The following TTLL3 variants were observed in gnomAD, a reference collection of about 807,000 sequenced individuals.
The protein encoded by TTLL3 is tubulin monoglycylase TTLL3.
Under a neutral mutation model 75.2 loss-of-function variants are expected in TTLL3, and 63 were observed. The observed-to-expected ratio is 0.84, with a 90% CI of 0.68 to 1.03. The LOEUF is 1.03. Ranked by LOEUF, TTLL3 falls within the 50% of genes least tolerant of loss-of-function variation. TTLL3 has a pLI of 0.00. For missense variants in TTLL3, 997 were observed against 1,069.9 expected (o/e 0.93, Z 0.95); for synonymous variants, 393 against 418.5 (o/e 0.94, Z 0.74).
chr3:9,811,353 C>T (rs905174042), intron 2 of TTLL3, among the ~76,000 whole-genome samples: 2 of 152,198 alleles, frequency 1.3e-5, no homozygotes, highest in Non-Finnish European at 2.9e-5. Context: ...GTCGTCCTCC[C>T]CAGTCTCCAG....
At chr3:9,820,406 C>G (rs2080299529) in intron 7 of TTLL3, 140 bp from the exon 8 acceptor site, 9 of 1,513,374 alleles carry the variant, frequency 5.9e-6, no homozygotes, top group Non-Finnish European at 7.9e-6. Context: ...CTAAGTGACA[C>G]ATCCCAGGGC....
intron 9 of TTLL3, 105 bp from the exon 10 acceptor site, chr3:9,826,892 C>T (rs1017448447): frequency 5.9e-5 from 91 of 1,550,284 alleles, no homozygotes; most frequent in Middle Eastern, 4.0e-4. Flanking sequence ...CAGCCTTACC[C>T]ACTCAGCCCT....
intron 8 of TTLL3, among the ~76,000 whole-genome samples, chr3:9,823,399 C>T (rs1393429071): frequency 7.5e-6 from 1 of 134,046 alleles, no homozygotes; most frequent in Non-Finnish European, 1.6e-5. Flanking sequence ...AAACAAACAG[C>T]CAGTTTTTTT....
At chr3:9,835,058 G>A (rs2081955816) in intron 13 of TTLL3, 36 bp from the exon 14 acceptor site, 1 of 1,589,972 alleles carries the variant, frequency 6.3e-7, no homozygotes, top group Non-Finnish European at 8.6e-7. Context: ...ACAGACTTCT[G>A]ATCATCTCCC....
At chr3:9,819,015 G>T (rs1207288076) in intron 7 of TTLL3, 95 bp downstream of exon 7, 2 of 1,499,438 alleles carry the variant, frequency 1.3e-6, no homozygotes, top group African/African-American at 2.8e-5. Context: ...ATTCATCCAC[G>T]CACCTACTGG....
chr3:9,825,797 C>G lies in TTLL3; in HGVS notation c.855-3C>G. On this transcript the variant is annotated splice_region_variant and splice_polypyrimidine_tract_variant and intron_variant, in intron 8 of 13. Transcript: ENST00000685419. ...CTGCCCAAGTTCTATCATTTCCCCA[C>G]AGCGAAGGGGCAGAACTCAGGCACC... 1 of 1,614,168 alleles carries G rather than the reference C, an allele frequency of 6.2e-7. No individual in the cohort carries two copies. The highest frequency in any genetic ancestry group is 8.5e-7 in the Non-Finnish European group (1 of 1,180,024).
At chr3:9,813,848 C>G (rs1247071942) in intron 4 of TTLL3, among the ~76,000 whole-genome samples, 2 of 152,040 alleles carry the variant, frequency 1.3e-5, no homozygotes, top group African/African-American at 4.8e-5. Flanking sequence ...CACAGCAGGG[C>G]TGTGTCCCAT....
intron 6 of TTLL3, 62 bp downstream of exon 6, chr3:9,817,821 G>A (rs1000236905): frequency 3.7e-6 from 6 of 1,602,282 alleles, no homozygotes; most frequent in East Asian, 2.2e-5. Context: ...TGAAGCTCTG[G>A]CTCATATTGG....
chr3:9,824,055 G>C (rs2124894661), intron 8 of TTLL3, among the ~76,000 whole-genome samples: 1 of 152,326 alleles, frequency 6.6e-6, no homozygotes, highest in Middle Eastern at 3.4e-3. Context: ...CTGAGTGCCA[G>C]GTGTGGTGCT....
chr3:9,809,999 A>AGGG (rs1362841081), upstream of TTLL3: 1 of 301,404 alleles, frequency 3.3e-6, no homozygotes, highest in Non-Finnish European at 4.2e-6. Context: ...GAGCGCGGCG[A>AGGG]GGGGCGCATG....
intron 7 of TTLL3, 26 bp from the exon 8 acceptor site, chr3:9,820,520 C>G (rs376615076): frequency 1.4e-5 from 22 of 1,611,688 alleles, no homozygotes; most frequent in African/African-American, 2.7e-5. Flanking sequence ...GATATGGGAT[C>G]GTGACAGGCC....
chr3:9,810,264 C>G lies in TTLL3; in HGVS notation c.-172C>G. 6.6e-7 allele frequency: 1 copy of G among 1,507,778 alleles called. No individual in the cohort carries two copies. The highest frequency in any genetic ancestry group is 8.8e-7 in the Non-Finnish European group (1 of 1,136,918). 93.4% of individuals were successfully genotyped at this position (1,507,778 alleles called of 1,614,324 possible). On this transcript the variant is annotated 5_prime_UTR_variant, in exon 1 of 14. Coordinates refer to ENST00000685419, the MANE Select transcript of TTLL3 (RefSeq NM_001387446.1). The surrounding 1 kb of genome is among the most constrained non-coding windows in gnomAD (Gnocchi z 4.4). ...CAGGCGGCAGATGCCAGGCGGGCAG[C>G]CCCGCCCCTGCGCGCCGCCTCAGCG... is the stretch of plus-strand genomic sequence containing the variant.
intron 11 of TTLL3, among the ~76,000 whole-genome samples, chr3:9,830,495 A>T (rs2081417652): frequency 6.6e-6 from 1 of 152,212 alleles, no homozygotes; most frequent in South Asian, 2.1e-4. Flanking sequence ...ACAGGAAGAG[A>T]ACGTACTGAT....
intron 12 of TTLL3, 95 bp from the exon 13 acceptor site, chr3:9,834,586 C>T: frequency 6.4e-7 from 1 of 1,560,368 alleles, no homozygotes; most frequent in Non-Finnish European, 8.7e-7. Flanking sequence ...ACCCCATTCC[C>T]TCCATATCCC....
chr3:9,816,247 C>A (rs750878256), intron 5 of TTLL3, 45 bp downstream of exon 5: 10 of 1,320,984 alleles, frequency 7.6e-6, no homozygotes, highest in Non-Finnish European at 1.0e-5. Flanking sequence ...CGACCCCCTG[C>A]CCTTGGGCTG....
At chr3:9,826,097 G>C in intron 9 of TTLL3, 149 bp downstream of exon 9, 1 of 1,293,764 alleles carries the variant, frequency 7.7e-7, no homozygotes, top group Non-Finnish European at 1.0e-6. Context: ...GTGACCTTGA[G>C]CAGGTTTTAG....
rs34646268 is a variant in TTLL3, at chr3:9,832,080, A to ATTTTT, written c.1684-1006_1684-1002dup. On this transcript the variant is annotated intron_variant, in intron 11 of 13. Transcript: ENST00000685419. ...AGCCACCGCGCCCGGCAATAGCTGC[A>ATTTTT]TTTTTTTTTTTTTTTTTTTTTTGAG... Among the ~76,000 whole-genome samples, 628 of 84,686 alleles carry ATTTTT rather than the reference A, an allele frequency of 7.4e-3. 12 individuals carry two copies. The highest frequency in any genetic ancestry group is 9.5e-3 in the Non-Finnish European group (450 of 47,158). 55.6% of individuals were successfully genotyped at this position (84,686 alleles called of 152,430 possible). A position where few individuals can be genotyped will look rare whatever the true frequency, so the allele number is the denominator to read the frequency against.
chr3:9,827,351 C>T (rs2081139845), intron 10 of TTLL3, 111 bp downstream of exon 10: 1 of 1,503,278 alleles, frequency 6.7e-7, no homozygotes, highest in Non-Finnish European at 8.9e-7. Flanking sequence ...GCTCCACACA[C>T]AGACTGCAGG....
Position 9,810,345 on chromosome 3 carries a change from C to G in TTLL3, c.-91C>G. ...ACGCCCAGGGCGCCTCGGATACCCA[C>G]CCCCTCGGCCCCCCGCACACCCCGG... On this transcript the variant is annotated 5_prime_UTR_variant, in exon 1 of 14. Transcript: ENST00000685419. This position sits in a 1 kb window ranked among gnomAD's most constrained non-coding sequence, Gnocchi z 4.4. 1 of 1,424,802 alleles carries G rather than the reference C, an allele frequency of 7.0e-7. No homozygotes were observed. Among genetic ancestry groups the G allele is most frequent in the Non-Finnish European group, 9.1e-7 (1 of 1,103,792 alleles). 88.3% of individuals were successfully genotyped at this position (1,424,802 alleles called of 1,614,324 possible).
Sources: allele counts gnomAD v4.1 joint callset (sites outside exome capture counted in the v4.1 genomes callset), GRCh38; gene constraint gnomAD v4.1.1; non-coding constraint Gnocchi (gnomAD v3.1); transcripts MANE v1.5; gene names NCBI Gene and HGNC (gene_info 2026-07-23, HGNC 2026-07-21).